Variants in GDPD4 observed in about 807,000 individuals in gnomAD.
The protein encoded by GDPD4 is glycerophosphodiester phosphodiesterase domain containing 4.
A neutral mutation model predicts 67.8 loss-of-function variants in GDPD4; 60 were observed. The observed-to-expected ratio is 0.88, with a 90% CI of 0.72 to 1.10. The LOEUF (loss-of-function observed/expected upper bound fraction) is 1.10. Ranked by LOEUF, GDPD4 falls within the 50% of genes least tolerant of loss-of-function variation. The probability of loss-of-function intolerance (pLI) is 0.00; values close to 1 mark genes in which losing one functional copy is unlikely to be tolerated. For synonymous variants in GDPD4, 212 were observed against 210.9 expected, an observed-to-expected ratio of 1.00 and a Z score of -0.04; for missense variants, 623 against 613.9, an observed-to-expected ratio of 1.01 and a Z score of -0.16.
At chr11:77,252,054 G>GTTTGT (rs1565523210) in intron 11 of GDPD4, among the ~76,000 whole-genome samples, 6 of 42,338 alleles carry the variant, frequency 1.4e-4, no homozygotes, top group African/African-American at 2.1e-4. Flanking sequence ...TTGTTTGTTT[G>GTTTGT]TTTTTTTTTT....
At chr11:77,275,843 T>G (rs1305451965) in intron 5 of GDPD4, among the ~76,000 whole-genome samples, 1 of 152,192 alleles carries the variant, frequency 6.6e-6, no homozygotes, top group Non-Finnish European at 1.5e-5. Context: ...TGAAAAGTAC[T>G]GGGAAATTAA....
intron 15 of GDPD4, 147 bp downstream of exon 15, chr11:77,229,003 C>T (rs867698798): frequency 1.3e-5 from 7 of 540,696 alleles, no homozygotes; most frequent in African/African-American, 9.6e-5. Context: ...TGAGGAACTG[C>T]AGACTACATG....
chr11:77,217,104 A>G lies in GDPD4; in HGVS notation c.*173T>C, dbSNP rs2282576. On this transcript the variant is annotated 3_prime_UTR_variant, in exon 17 of 17. Coordinates refer to ENST00000315938, the MANE Select transcript of GDPD4 (RefSeq NM_182833.3). Reference sequence around the variant, plus strand: ...TGAATCTCATGCTTGCCAGGCTTCAAAGGTGTGACAGCATTCTTGATAGGT... The same window carrying G: ...TGAATCTCATGCTTGCCAGGCTTCAGAGGTGTGACAGCATTCTTGATAGGT... 643,456 of 711,574 alleles carry G rather than the reference A, an allele frequency of 0.9. 294,533 individuals are homozygous for G. The highest frequency in any genetic ancestry group is 0.96 in the Non-Finnish European group (370,481 of 387,016). The allele number at this position is 711,574 out of a possible 1,614,324, so 44.1% of individuals were successfully genotyped here. A position where few individuals can be genotyped will look rare whatever the true frequency, so the allele number is the denominator to read the frequency against.
chr11:77,247,687 T>C (rs1688593869), intron 11 of GDPD4, among the ~76,000 whole-genome samples: 1 of 152,222 alleles, frequency 6.6e-6, no homozygotes, highest in Admixed American at 6.5e-5. Flanking sequence ...CTCTGTTCTC[T>C]GTGCCTCTGT....
intron 3 of GDPD4, 94 bp downstream of exon 3, chr11:77,284,991 A>G (rs1301321106): frequency 9.9e-6 from 9 of 910,350 alleles, no homozygotes; most frequent in Admixed American, 5.8e-5. Context: ...CTTCCCTACT[A>G]TATCACCGGA....
chr11:77,222,699 ATTATGTGTCCTGGGGTTGCTC>A (rs1958251133), intron 16 of GDPD4, among the ~76,000 whole-genome samples: 1 of 152,056 alleles, frequency 6.6e-6, no homozygotes, highest in African/African-American at 2.4e-5. Context: ...GAATCTGACA[ATTATGTGTCCTGGGGTTGCTC>A]TTCTTGAGGA....
chr11:77,238,584 C>CAAAA (rs199508047), intron 13 of GDPD4, among the ~76,000 whole-genome samples: 1 of 118,002 alleles, frequency 8.5e-6, no homozygotes, highest in African/African-American at 3.3e-5. Context: ...AACTCCGTCT[C>CAAAA]AAAAAAAAAA....
chr11:77,244,625 G>T (rs1467069762), intron 12 of GDPD4, among the ~76,000 whole-genome samples: 1 of 152,052 alleles, frequency 6.6e-6, no homozygotes, highest in South Asian at 2.1e-4. Flanking sequence ...GATCCCTTGA[G>T]CCCAAGAGTT....
chr11:77,275,155 T>C (rs896582773), intron 5 of GDPD4, among the ~76,000 whole-genome samples: 15 of 152,212 alleles, frequency 9.9e-5, no homozygotes, highest in African/African-American at 3.6e-4. Context: ...TGTAGGCATA[T>C]ATCAAAATCA....
rs534203211 is a variant in GDPD4, at chr11:77,253,763, T to C, written c.864+4623A>G. On this transcript the variant is annotated intron_variant, in intron 11 of 16. Coordinates refer to ENST00000315938, the MANE Select transcript of GDPD4 (RefSeq NM_182833.3). ...GCCACACAGGGCTCTGACAAAGTACTTTTTCCTTGAGAGGGCAGTGCACAG... is the reference window on the plus strand; with the variant it reads ...GCCACACAGGGCTCTGACAAAGTACCTTTTCCTTGAGAGGGCAGTGCACAG... Among the ~76,000 whole-genome samples the C allele has an allele frequency of 3.3e-5, 5 of 152,226 alleles. No homozygotes were observed. The South Asian group carries it at 1.0e-3, about 32-fold the overall frequency.
chr11:77,298,919 T>C (rs1294797426), intron 1 of GDPD4, among the ~76,000 whole-genome samples: 2 of 152,034 alleles, frequency 1.3e-5, no homozygotes, highest in African/African-American at 2.4e-5. Flanking sequence ...ACACATCTGA[T>C]GAGAATTTAT....
rs185552188 is a variant in GDPD4, at chr11:77,233,569, A to C, written c.1242-397T>G. Among the ~76,000 whole-genome samples, 25 of 152,270 alleles carry C rather than the reference A, an allele frequency of 1.6e-4. No individual in the cohort carries two copies. In the East Asian group the frequency reaches 4.8e-3, roughly 29 times the overall value. The stretch of plus-strand genomic sequence containing the variant: ...ACTGTAAGCTACCATTGGTAGAACC[A>C]ATTTGCAGAGTTTCTGAATATTTAA... On this transcript the variant is annotated intron_variant, in intron 13 of 16. Transcript: ENST00000315938.
chr11:77,299,436 C>G (rs1476382488), intron 1 of GDPD4, among the ~76,000 whole-genome samples: 1 of 152,034 alleles, frequency 6.6e-6, no homozygotes. Context: ...TACTTTTTTT[C>G]TATAGAAAAT....
At chr11:77,237,859 T>C (rs1017888071) in intron 13 of GDPD4, among the ~76,000 whole-genome samples, 61 of 152,140 alleles carry the variant, frequency 4.0e-4, no homozygotes, top group African/African-American at 1.5e-3. Context: ...TGCCAGAGGT[T>C]GCAGTGAGCC....
At chr11:77,277,779 T>A (rs1591570967) in intron 4 of GDPD4, among the ~76,000 whole-genome samples, 1 of 151,962 alleles carries the variant, frequency 6.6e-6, no homozygotes, top group East Asian at 1.9e-4. Context: ...TTCTGCTAGC[T>A]TTTGAATGTG....
intron 8 of GDPD4, 33 bp from the exon 9 acceptor site, chr11:77,269,102 A>G (rs1053833634): frequency 6.3e-7 from 1 of 1,594,820 alleles, no homozygotes; most frequent in Non-Finnish European, 8.6e-7. Context: ...GAAGTGGGGG[A>G]AAAAGAGATA....
At position 77,253,811 on chromosome 11, in the gene GDPD4, C is replaced by T. The variant is rs544655385; in HGVS notation, c.864+4575G>A. ...CAGTTTCAACTCAGGACCCCAGTGG[C>T]AGGGCATAGCCAAGTCTGAAAGAGG... On this transcript the variant is annotated intron_variant, in intron 11 of 16. Coordinates refer to ENST00000315938, the MANE Select transcript of GDPD4 (RefSeq NM_182833.3). 2.5e-4 allele frequency among the ~76,000 whole-genome samples: 38 copies of T among 152,284 alleles called. 2 individuals are homozygous for T. The South Asian group carries it at 7.7e-3, about 31-fold the overall frequency.
In GDPD4 at chr11:77,245,365, G is replaced by A; in HGVS notation, c.1002C>T (p.Arg334=). The change falls in exon 12 of 17, where the codon CGC becomes CGT. Residue 334 remains arginine, a synonymous_variant. Coordinates refer to ENST00000315938, the MANE Select transcript of GDPD4 (RefSeq NM_182833.3). ...GTCTGAGAGGATGTTTTGGTGGAGG[G>A]CGATGAAGATCAAATATCACAAATT... The part of the protein sequence containing the change: ...ERKFVIFDLH[R]PPPKHPLRHT... 6.2e-7 allele frequency: 1 copy of A among 1,614,130 alleles called. No individual in the cohort carries two copies. Among genetic ancestry groups the A allele is most frequent in the Non-Finnish European group, 8.5e-7 (1 of 1,180,010 alleles).
At chr11:77,230,625 G>A (rs956516332) in intron 14 of GDPD4, among the ~76,000 whole-genome samples, 4 of 152,168 alleles carry the variant, frequency 2.6e-5, no homozygotes, top group East Asian at 3.8e-4. Flanking sequence ...CATAGAACTC[G>A]ATCAGCAGAA....
Sources: gnomAD v4.1 joint callset for allele counts (sites outside exome capture counted in the v4.1 genomes callset) on GRCh38, gnomAD v4.1.1 for gene constraint, MANE v1.5 for transcripts, NCBI Gene and HGNC (gene_info 2026-07-23, HGNC 2026-07-21) for gene names.